Variants in LSP1 observed in about 807,000 individuals in gnomAD.
The protein encoded by LSP1 is lymphocyte-specific protein 1.
LSP1 carries 32 observed loss-of-function variants against 49.3 expected under a neutral mutation model. That is an observed-to-expected ratio of 0.65 (90% CI 0.49 to 0.87). LSP1 has a LOEUF of 0.87. Among genes scored for constraint, LSP1 ranks in the 40% least tolerant of loss-of-function variants. LSP1 has a pLI of 0.00. For missense variants in LSP1, 428 were observed against 442.6 expected, an observed-to-expected ratio of 0.97 and a Z score of 0.30; for synonymous variants, 179 against 178.8, an observed-to-expected ratio of 1.00 and a Z score of -0.01.
At chr11:1,883,080 G>C (rs1303096260) in intron 3 of LSP1, among the ~76,000 whole-genome samples, 2 of 152,220 alleles carry the variant, frequency 1.3e-5, no homozygotes, top group Non-Finnish European at 2.9e-5. Context: ...GACCAACCGG[G>C]TGTGCAAGCA....
chr11:1,853,775 G>C (rs1847420131), intron 1 of LSP1, among the ~76,000 whole-genome samples: 1 of 152,200 alleles, frequency 6.6e-6, no homozygotes, highest in African/African-American at 2.4e-5. Context: ...TGCCTGTGCT[G>C]GGTGCCAGGC....
At chr11:1,856,282 C>G (rs2001487) in intron 1 of LSP1, among the ~76,000 whole-genome samples, 53,222 of 152,166 alleles carry the variant, frequency 0.35, 9,596 homozygotes, top group East Asian at 0.53. Context: ...TACAGGCAAA[C>G]TCCATGCCCC....
At chr11:1,890,771 TG>T in intron 10 of LSP1, 1 of 596,846 alleles carries the variant, frequency 1.7e-6, no homozygotes, top group Non-Finnish European at 3.0e-6. Context: ...TTGGGGACTT[TG>T]GGGTGGCCCC....
At chr11:1,879,951 C>T (rs575990576) in intron 1 of LSP1, 136 bp from the exon 2 acceptor site, 33 of 1,033,470 alleles carry the variant, frequency 3.2e-5, no homozygotes, top group Middle Eastern at 2.3e-4. Flanking sequence ...GCCTGAGGGC[C>T]GGCCTGGGAC....
In LSP1 at chr11:1,884,270, C is replaced by T. The variant is rs961361080; in HGVS notation, c.592-10C>T. 6 of 1,613,958 alleles carry T rather than the reference C, an allele frequency of 3.7e-6. No homozygotes were observed. Among genetic ancestry groups the T allele is most frequent in the Non-Finnish European group, 5.1e-6 (6 of 1,179,982 alleles). On this transcript the variant is annotated splice_polypyrimidine_tract_variant and intron_variant, in intron 5 of 10. Transcript: ENST00000311604. The surrounding 1 kb of genome is among the most constrained non-coding windows in gnomAD (Gnocchi z 4.1). ...TGCTGCAGGCCTGTGTCTCTCTCCA[C>T]CCTCTGCAGCTCATCGACAGGACCG...
At chr11:1,861,902 A>G (rs1190409113) in intron 1 of LSP1, among the ~76,000 whole-genome samples, 14 of 20,450 alleles carry the variant, frequency 6.8e-4, no homozygotes, top group Non-Finnish European at 7.8e-4. Flanking sequence ...TGGATGGGTG[A>G]ACGGATGGAT....
At chr11:1,889,850 G>A in intron 10 of LSP1, 1 of 633,062 alleles carries the variant, frequency 1.6e-6, no homozygotes, top group Non-Finnish European at 2.9e-6. Flanking sequence ...GTGGTACAGG[G>A]GGCTCCTCAG....
chr11:1,874,123 A>AGGCCGG lies in LSP1; in HGVS notation c.54-5964_54-5963insGGCCGG, dbSNP rs1350286759. On this transcript the variant is annotated intron_variant, in intron 1 of 10. Transcript: ENST00000311604. ...GGCCGGCAGAGGAGGGAGGCTGGGGACAGTGGGGGCAGGCCGGGGACAGTG... is the reference window on the plus strand; with the variant it reads ...GGCCGGCAGAGGAGGGAGGCTGGGGAGGCCGGCAGTGGGGGCAGGCCGGGGACAGTG... 1.9e-4 allele frequency among the ~76,000 whole-genome samples: 22 copies of AGGCCGG among 118,502 alleles called. 8 individuals carry two copies. The highest frequency in any genetic ancestry group is 3.0e-4 in the Non-Finnish European group (17 of 56,254). 77.7% of individuals were successfully genotyped at this position (118,502 alleles called of 152,430 possible). A position where few individuals can be genotyped will look rare whatever the true frequency, so the allele number is the denominator to read the frequency against.
intron 1 of LSP1, chr11:1,867,040 G>A (rs1375976032): frequency 6.1e-6 from 6 of 976,582 alleles, no homozygotes; most frequent in African/African-American, 1.6e-5. Context: ...TGTGGACCTG[G>A]GGAGGAGGCA....
chr11:1,881,525 G>C lies in LSP1; in HGVS notation c.285G>C (p.Glu95Asp). The C allele has an allele frequency of 6.4e-7, 1 of 1,557,654 alleles. No homozygotes were observed. The highest frequency in any genetic ancestry group is 8.7e-7 in the Non-Finnish European group (1 of 1,150,428). ...SQRPEQRQQH[E>D]GAQGALDSGE... ...GGCCAGAGCAGCGGCAGCAGCACGAGGGGGCGCAGGGCGCCTTGGACAGCG... is the reference window on the plus strand; with the variant it reads ...GGCCAGAGCAGCGGCAGCAGCACGACGGGGCGCAGGGCGCCTTGGACAGCG... The change falls in exon 3 of 11, where the codon GAG (glutamate) becomes GAC (aspartate). Residue 95 changes from glutamate (E) to aspartate (D), a missense_variant. By Grantham distance (45) the Glu-to-Asp change is conservative (BLOSUM62 2). Transcript: ENST00000311604.
chr11:1,865,059 C>T (rs745530569), intron 1 of LSP1: 42 of 292,228 alleles, frequency 1.4e-4, no homozygotes, highest in Middle Eastern at 1.7e-3. Context: ...GGCAGGAAAG[C>T]CAAGGAGAGC....
chr11:1,866,483 G>A lies in LSP1; in HGVS notation c.53+13286G>A, dbSNP rs371622098. ...CGTGCAGATGCAGAGAGATGGCTCC[G>A]ATCTGGTCCCCACCTGGCAGGGTCT... is the stretch of plus-strand genomic sequence containing the variant. On this transcript the variant is annotated intron_variant, in intron 1 of 10. Transcript: ENST00000311604. The A allele has an allele frequency of 6.7e-6, 10 of 1,486,420 alleles. No homozygotes were observed. In the African/African-American group the frequency reaches 7.0e-5, roughly 10 times the overall value. The allele number at this position is 1,486,420 out of a possible 1,614,324, so 92.1% of individuals were successfully genotyped here. A position where few individuals can be genotyped will look rare whatever the true frequency, so the allele number is the denominator to read the frequency against.
chr11:1,881,217 A>C, intron 2 of LSP1: 1 of 513,996 alleles, frequency 1.9e-6, no homozygotes, highest in Non-Finnish European at 3.4e-6. Flanking sequence ...TGGAGGAAGC[A>C]CAGTTCTCAG....
At chr11:1,889,722 C>T in intron 10 of LSP1, 1 of 652,892 alleles carries the variant, frequency 1.5e-6, no homozygotes, top group Non-Finnish European at 2.8e-6. Flanking sequence ...TCTGCCAGGG[C>T]CCATGGGGAC....
intron 1 of LSP1, among the ~76,000 whole-genome samples, chr11:1,862,468 C>G (rs777322550): frequency 1.3e-5 from 2 of 152,148 alleles, no homozygotes; most frequent in Non-Finnish European, 2.9e-5. Context: ...ATGCCTTGGC[C>G]ACATTTCATT....
chr11:1,856,686 C>A (rs1239780851), intron 1 of LSP1, among the ~76,000 whole-genome samples: 1 of 152,238 alleles, frequency 6.6e-6, no homozygotes, highest in African/African-American at 2.4e-5. Flanking sequence ...GCTGGAGGCC[C>A]CCGGCAGCCC....
At chr11:1,871,812 G>C (rs1322584952) in intron 1 of LSP1, among the ~76,000 whole-genome samples, 2 of 148,970 alleles carry the variant, frequency 1.3e-5, no homozygotes, top group Non-Finnish European at 1.5e-5. Context: ...TGTCCGGCTG[G>C]CGTGGGCACT....
At chr11:1,862,158 G>A (rs1287442861) in intron 1 of LSP1, among the ~76,000 whole-genome samples, 2 of 152,176 alleles carry the variant, frequency 1.3e-5, no homozygotes, top group African/African-American at 4.8e-5. Flanking sequence ...ACTGATGGAT[G>A]AATGGAGAGA....
intron 1 of LSP1, chr11:1,870,462 A>C: frequency 8.3e-7 from 1 of 1,198,374 alleles, no homozygotes; most frequent in Non-Finnish European, 1.1e-6. Context: ...GTCAGCCATG[A>C]AAGCTTCGGG....
Sources: allele counts gnomAD v4.1 joint callset (sites outside exome capture counted in the v4.1 genomes callset), GRCh38; gene constraint gnomAD v4.1.1; non-coding constraint Gnocchi (gnomAD v3.1); transcripts MANE v1.5; gene names NCBI Gene and HGNC (gene_info 2026-07-23, HGNC 2026-07-21).